ABLIM2: variants seen among roughly 807,000 people sequenced by gnomAD.
ABLIM2 encodes the protein actin binding LIM protein family member 2, also known as actin-binding LIM protein 2.
ABLIM2 carries 53 observed loss-of-function variants against 97.7 expected under a neutral mutation model. The observed-to-expected ratio is 0.54, with a 90% CI of 0.44 to 0.68. The LOEUF is 0.68. Among genes scored for constraint, ABLIM2 ranks in the 30% least tolerant of loss-of-function variants. The probability of loss-of-function intolerance (pLI) is 0.00; values close to 1 mark genes in which losing one functional copy is unlikely to be tolerated. For missense variants in ABLIM2, 835 were observed against 867.2 expected, an observed-to-expected ratio of 0.96 and a Z score of 0.47; for synonymous variants, 361 against 345.8, an observed-to-expected ratio of 1.04 and a Z score of -0.49.
rs911667446 is a variant in ABLIM2, at chr4:8,032,139, G to T, written c.1048-2363C>A. Among the ~76,000 whole-genome samples the T allele has an allele frequency of 6.6e-6, 1 of 151,770 alleles. No individual in the cohort carries two copies. The highest frequency in any genetic ancestry group is 6.6e-5 in the Admixed American group (1 of 15,232). On this transcript the variant is annotated intron_variant, in intron 10 of 20. Coordinates refer to ENST00000447017, the MANE Select transcript of ABLIM2 (RefSeq NM_001130083.2). The surrounding 1 kb of genome is among the most constrained non-coding windows in gnomAD (Gnocchi z 4.3). ...ACCTTTCTGCTGTGGCCACCCGTGC[G>T]GCCGCACAGACTGCAGTCTGATTGG...
rs974210577 is a variant in ABLIM2, at chr4:8,132,882, T to C, written c.10+25798A>G. 6.6e-6 allele frequency among the ~76,000 whole-genome samples: 1 copy of C among 152,174 alleles called. No homozygotes were observed. The highest frequency in any genetic ancestry group is 1.5e-5 in the Non-Finnish European group (1 of 68,018). ...GGGCACGTGGTGGGCACTCGGTAAT[T>C]GGCATCTTTGTTCCCCAGTTCCTGA... On this transcript the variant is annotated intron_variant, in intron 1 of 20. Transcript: ENST00000447017. The surrounding 1 kb of genome is among the most constrained non-coding windows in gnomAD (Gnocchi z 8.0).
intron 9 of ABLIM2, among the ~76,000 whole-genome samples, chr4:8,037,391 C>T (rs1785243938): frequency 6.6e-6 from 1 of 151,708 alleles, no homozygotes; most frequent in Non-Finnish European, 1.5e-5. Context: ...TGCATGTATA[C>T]CTCCACACAG....
chr4:8,044,751 A>G lies in ABLIM2; in HGVS notation c.900+413T>C, dbSNP rs190755780. 6.2e-4 allele frequency among the ~76,000 whole-genome samples: 94 copies of G among 152,158 alleles called. No homozygotes were observed. The highest frequency in any genetic ancestry group is 1.2e-3 in the Non-Finnish European group (79 of 68,014). ...ACCCTTAACTTGCTTCTTTTAGGGA[A>G]CACGCTGGGAGAGCGTGCGTGTTGA... On this transcript the variant is annotated intron_variant, in intron 9 of 20. Coordinates refer to ENST00000447017, the MANE Select transcript of ABLIM2 (RefSeq NM_001130083.2). The surrounding 1 kb of genome is among the most constrained non-coding windows in gnomAD (Gnocchi z 4.4).
intron 20 of ABLIM2, among the ~76,000 whole-genome samples, chr4:7,975,021 C>G (rs1046777841): frequency 6.6e-6 from 1 of 152,148 alleles, no homozygotes; most frequent in Non-Finnish European, 1.5e-5. Context: ...GAATTTGAGA[C>G]CAGCCAGGGC....
chr4:8,088,159 G>A lies in ABLIM2; in HGVS notation c.454+10C>T, dbSNP rs377711037. 1.1e-5 allele frequency: 17 copies of A among 1,566,864 alleles called. No individual in the cohort carries two copies. The highest frequency in any genetic ancestry group is 1.7e-4 in the Middle Eastern group (1 of 5,864). On this transcript the variant is annotated intron_variant, in intron 4 of 20. Transcript: ENST00000447017. ...CCCACTCAACATGCCCCCACTCAGC[G>A]CCCACTTACTTCGGAGGCCCTGGGA... is the stretch of plus-strand genomic sequence containing the variant.
intron 7 of ABLIM2, 104 bp downstream of exon 7, chr4:8,060,863 C>G: frequency 1.0e-6 from 1 of 1,002,104 alleles, no homozygotes; most frequent in Non-Finnish European, 1.5e-6. Flanking sequence ...CGTGACCTAG[C>G]GAGATGACAC....
intron 2 of ABLIM2, among the ~76,000 whole-genome samples, chr4:8,104,580 C>T (rs886482340): frequency 2.6e-5 from 4 of 152,122 alleles, no homozygotes; most frequent in Non-Finnish European, 4.4e-5. Context: ...CTCTGAAGGT[C>T]GGGGCTGGGG....
Position 8,008,151 on chromosome 4 carries a change from T to TTGGTCCTTGTCC in ABLIM2, c.1525_1526insGGACAAGGACCA (p.Thr508_Asn509insArgThrArgThr). 6.2e-7 allele frequency: 1 copy of TTGGTCCTTGTCC among 1,614,030 alleles called. No individual in the cohort carries two copies. Among genetic ancestry groups the TTGGTCCTTGTCC allele is most frequent in the Non-Finnish European group, 8.5e-7 (1 of 1,179,886 alleles). ...GGACTGGGTGTCCAGGTCTGGAGAA[T>TTGGTCCTTGTCC]TGGTCCTTGTGTCTGCATCCCCCTT... On this transcript the variant is annotated inframe_insertion, in exon 16 of 21. Transcript: ENST00000447017.
In ABLIM2 at chr4:8,055,048, G is replaced by GTT. The variant is rs556582664; in HGVS notation, c.764-804_764-803dup. 2.8e-3 allele frequency among the ~76,000 whole-genome samples: 411 copies of GTT among 144,664 alleles called. 2 individuals are homozygous for GTT. Among genetic ancestry groups the GTT allele is most frequent in the East Asian group, 0.023 (115 of 5,024 alleles). The allele number at this position is 144,664 out of a possible 152,430, so 94.9% of individuals were successfully genotyped here. ...CAAACTACCCCAAGTCTTTGTTTTT[G>GTT]TTTTTTTTTTTTCCACCTAAGAATA... On this transcript the variant is annotated intron_variant, in intron 7 of 20. Transcript: ENST00000447017.
chr4:8,057,098 CTTTT>C lies in ABLIM2; in HGVS notation c.764-2856_764-2853del, dbSNP rs11333108. ...TTCTTTCCTTTTCTTTTCTTTCTTT[CTTTT>C]TTTTTTTTTTTTTTAAGACAAAGTC... On this transcript the variant is annotated intron_variant, in intron 7 of 20. Coordinates refer to ENST00000447017, the MANE Select transcript of ABLIM2 (RefSeq NM_001130083.2). Among the ~76,000 whole-genome samples the C allele has an allele frequency of 5.4e-5, 7 of 130,146 alleles. 1 individual carries two copies. The highest frequency in any genetic ancestry group is 1.6e-4 in the Admixed American group (2 of 12,600). 85.4% of individuals were successfully genotyped at this position (130,146 alleles called of 152,430 possible).
chr4:8,140,337 C>T lies in ABLIM2; in HGVS notation c.10+18343G>A, dbSNP rs1850779504. On this transcript the variant is annotated intron_variant, in intron 1 of 20. Coordinates refer to ENST00000447017, the MANE Select transcript of ABLIM2 (RefSeq NM_001130083.2). The surrounding 1 kb of genome is among the most constrained non-coding windows in gnomAD (Gnocchi z 5.9). ...AGGAAACAGAGAATGTGGTCAAACACACCACAGGGAGCCATGCAGTGGGAT... is the reference window on the plus strand; with the variant it reads ...AGGAAACAGAGAATGTGGTCAAACATACCACAGGGAGCCATGCAGTGGGAT... Among the ~76,000 whole-genome samples, 1 of 152,192 alleles carries T rather than the reference C, an allele frequency of 6.6e-6. No homozygotes were observed. Among genetic ancestry groups the T allele is most frequent in the African/African-American group, 2.4e-5 (1 of 41,436 alleles).
intron 20 of ABLIM2, among the ~76,000 whole-genome samples, chr4:7,982,422 G>C (rs561796003): frequency 3.9e-5 from 6 of 152,218 alleles, no homozygotes; most frequent in Admixed American, 6.5e-5. Context: ...TGAAACCCCC[G>C]GGCTGGATGC....
chr4:8,070,292 C>T (rs577307856), intron 6 of ABLIM2, among the ~76,000 whole-genome samples: 5 of 150,446 alleles, frequency 3.3e-5, no homozygotes, highest in Admixed American at 6.7e-5. Flanking sequence ...GTGTATATCT[C>T]GTGTGTGTCT....
At chr4:8,020,469 C>T (rs940249912) in intron 12 of ABLIM2, 166 bp from the exon 13 acceptor site, 1 of 713,974 alleles carries the variant, frequency 1.4e-6, no homozygotes, top group Non-Finnish European at 2.5e-6. Flanking sequence ...ATCCACGTTC[C>T]CAGACTGTGT....
In ABLIM2 at chr4:8,027,869, C is replaced by A. The variant is rs773307345; in HGVS notation, c.1169-12G>T. Reference sequence around the variant, plus strand: ...ACTCACAGTACCAGCTACGGGGTAACAGAGAGCAAGTCAGAGTCAACCTGG... The same window carrying A: ...ACTCACAGTACCAGCTACGGGGTAAAAGAGAGCAAGTCAGAGTCAACCTGG... On this transcript the variant is annotated splice_polypyrimidine_tract_variant and intron_variant, in intron 11 of 20. Coordinates refer to ENST00000447017, the MANE Select transcript of ABLIM2 (RefSeq NM_001130083.2). 1 of 1,567,822 alleles carries A rather than the reference C, an allele frequency of 6.4e-7. No individual in the cohort carries two copies. Among genetic ancestry groups the A allele is most frequent in the African/African-American group, 1.4e-5 (1 of 72,922 alleles).
rs1722462505 is a variant in ABLIM2 at position 7,965,332 on chromosome 4, A to G, written c.*1658T>C. ...TGATCTTGTACTTCCGCAAGTTATA[A>G]TGCATCGTCTTTTATTTTCCAGGCT... On this transcript the variant is annotated 3_prime_UTR_variant, in exon 21 of 21. Transcript: ENST00000447017. The G allele has an allele frequency of 6.6e-6, 1 of 152,670 alleles. No individual in the cohort carries two copies. The highest frequency in any genetic ancestry group is 1.5e-5 in the Non-Finnish European group (1 of 68,042). 9.5% of individuals were successfully genotyped at this position (152,670 alleles called of 1,614,324 possible).
At chr4:8,030,344 G>A (rs1293184107) in intron 10 of ABLIM2, among the ~76,000 whole-genome samples, 2 of 152,174 alleles carry the variant, frequency 1.3e-5, no homozygotes, top group Admixed American at 1.3e-4. Context: ...CAGGTGGTGT[G>A]GGGTGGCGTG....
intron 17 of ABLIM2, among the ~76,000 whole-genome samples, chr4:7,987,635 T>C (rs545309684): frequency 4.0e-4 from 61 of 152,322 alleles, no homozygotes; most frequent in African/African-American, 1.4e-3. Context: ...ACCTTCACCT[T>C]GGACGGTTGG....
At chr4:8,026,168 G>A (rs768410534) in intron 12 of ABLIM2, among the ~76,000 whole-genome samples, 4 of 152,156 alleles carry the variant, frequency 2.6e-5, no homozygotes, top group African/African-American at 4.8e-5. Flanking sequence ...CACCATGCCC[G>A]GCGTTTTTCT....
Sources: allele counts gnomAD v4.1 joint callset (sites outside exome capture counted in the v4.1 genomes callset), GRCh38; gene constraint gnomAD v4.1.1; non-coding constraint Gnocchi (gnomAD v3.1); transcripts MANE v1.5; gene names NCBI Gene and HGNC (gene_info 2026-07-23, HGNC 2026-07-21).